Variants in TBC1D5 observed in about 807,000 individuals in gnomAD.
TBC1D5 encodes TBC1 domain family, member 5.
Under a neutral mutation model 100.3 loss-of-function variants are expected in TBC1D5, and 75 were observed. That is an observed-to-expected ratio of 0.75 (90% CI 0.62 to 0.91). TBC1D5 has a LOEUF of 0.91. Among genes scored for constraint, TBC1D5 ranks in the 40% least tolerant of loss-of-function variants. The pLI is 0.00. For missense variants in TBC1D5, 910 were observed against 942.4 expected (o/e 0.97, Z 0.45); for synonymous variants, 323 against 325.6 (o/e 0.99, Z 0.09).
chr3:17,232,749 C>T (rs1050840565), intron 17 of TBC1D5, among the ~76,000 whole-genome samples: 1 of 152,080 alleles, frequency 6.6e-6, no homozygotes, highest in African/African-American at 2.4e-5. Flanking sequence ...TTAATCACAA[C>T]CCATTCTTTT....
At chr3:17,498,854 T>TTTTACC (rs1418781883) in intron 3 of TBC1D5, among the ~76,000 whole-genome samples, 3 of 152,142 alleles carry the variant, frequency 2.0e-5, no homozygotes, top group Admixed American at 6.5e-5. Flanking sequence ...TAAGGAGAAT[T>TTTTACC]TTACCAAAAT....
intron 1 of TBC1D5, among the ~76,000 whole-genome samples, chr3:17,712,620 C>T (rs2074848984): frequency 6.6e-6 from 1 of 152,132 alleles, no homozygotes. Context: ...AGCTATGTAT[C>T]GGGAATACGA....
chr3:17,372,186 A>G (rs776664302), exon 13 of TBC1D5: 1 of 1,613,770 alleles, frequency 6.2e-7, no homozygotes, highest in East Asian at 2.2e-5. Context: ...AACAATAGCA[A>G]TTGTTGGCCC....
chr3:17,730,218 T>A (rs1202000105), intron 1 of TBC1D5, among the ~76,000 whole-genome samples: 2 of 152,158 alleles, frequency 1.3e-5, no homozygotes, highest in Non-Finnish European at 2.9e-5. Context: ...TTTTTTGTAT[T>A]TTAAGTTTGT....
chr3:17,332,782 A>C (rs2087054947), intron 13 of TBC1D5, among the ~76,000 whole-genome samples: 1 of 152,180 alleles, frequency 6.6e-6, no homozygotes, highest in African/African-American at 2.4e-5. Context: ...ATAAAAATTG[A>C]TAACTGCATA....
At chr3:17,704,277 T>C (rs2153893469) in intron 1 of TBC1D5, among the ~76,000 whole-genome samples, 1 of 146,490 alleles carries the variant, frequency 6.8e-6, no homozygotes, top group Non-Finnish European at 1.5e-5. Flanking sequence ...GCAGAGGAAT[T>C]TTTCTTAGTG....
chr3:17,636,280 C>A (rs764900933), intron 1 of TBC1D5, among the ~76,000 whole-genome samples: 1 of 152,022 alleles, frequency 6.6e-6, no homozygotes, highest in Non-Finnish European at 1.5e-5. Flanking sequence ...GTTAATAAAG[C>A]AGAAGATAAT....
chr3:17,508,488 G>T, exon 3 of TBC1D5: 1 of 1,613,362 alleles, frequency 6.2e-7, no homozygotes, highest in South Asian at 1.1e-5. Context: ...AGACTTGTTA[G>T]AGTAACTGGA....
intron 1 of TBC1D5, among the ~76,000 whole-genome samples, chr3:17,722,688 G>A (rs774207505): frequency 1.8e-4 from 28 of 152,298 alleles, no homozygotes; most frequent in Non-Finnish European, 3.1e-4. Flanking sequence ...CAAGGTAGTC[G>A]TTATCCCCAG....
At chr3:17,214,298 G>C (rs1425216823) in exon 18 of TBC1D5, 2 of 1,613,340 alleles carry the variant, frequency 1.2e-6, no homozygotes, top group South Asian at 2.2e-5. Flanking sequence ...TGAAGGTGGA[G>C]AGCCAGTGAA....
intron 15 of TBC1D5, among the ~76,000 whole-genome samples, chr3:17,265,639 CA>C (rs1359526978): frequency 1.3e-5 from 2 of 152,224 alleles, no homozygotes; most frequent in South Asian, 4.1e-4. Context: ...CAGGGTTATG[CA>C]AACATATGTT....
At chr3:17,689,518 C>CAAAAA (rs373476990) in intron 1 of TBC1D5, among the ~76,000 whole-genome samples, 8 of 54,328 alleles carry the variant, frequency 1.5e-4, no homozygotes, top group Non-Finnish European at 2.3e-4. Flanking sequence ...GACCCTGTCT[C>CAAAAA]AAAAAAAAAA....
At chr3:17,615,151 TTTG>T (rs1382002825) in intron 2 of TBC1D5, among the ~76,000 whole-genome samples, 1 of 152,208 alleles carries the variant, frequency 6.6e-6, no homozygotes, top group Admixed American at 6.5e-5. Context: ...TCATGTGGTT[TTTG>T]TTGTTAGTTC....
At chr3:17,438,726 A>T (rs1337527048) in intron 3 of TBC1D5, among the ~76,000 whole-genome samples, 1 of 152,200 alleles carries the variant, frequency 6.6e-6, no homozygotes, top group Non-Finnish European at 1.5e-5. Context: ...CCTTCACTCC[A>T]ATTTTATCTT....
chr3:17,591,244 AAAAAAAAAAAAAAAAAAAAAAAC>A (rs1424892609), intron 2 of TBC1D5, among the ~76,000 whole-genome samples: 15 of 115,560 alleles, frequency 1.3e-4, no homozygotes, highest in South Asian at 5.7e-4. Flanking sequence ...AAAAAAAAAA[AAAAAAAAAAAAAAAAAAAAAAAC>A]AAAAACCCCA....
chr3:17,591,239 A>G (rs901395660), intron 2 of TBC1D5, among the ~76,000 whole-genome samples: 3 of 101,500 alleles, frequency 3.0e-5, no homozygotes, highest in East Asian at 4.9e-4. Flanking sequence ...CTGTCAAAAA[A>G]AAAAAAAAAA....
chr3:17,627,354 G>C (rs561764205), intron 1 of TBC1D5, among the ~76,000 whole-genome samples: 1 of 152,216 alleles, frequency 6.6e-6, no homozygotes, highest in Non-Finnish European at 1.5e-5. Flanking sequence ...TAAAAGTAGA[G>C]CTATAGATTT....
At chr3:17,226,703 C>A (rs569383498) in intron 17 of TBC1D5, among the ~76,000 whole-genome samples, 1 of 152,280 alleles carries the variant, frequency 6.6e-6, no homozygotes, top group African/African-American at 2.4e-5. Flanking sequence ...TTAGCTCTCT[C>A]CCTGCCAGTG....
chr3:17,245,071 T>C (rs1181665610), intron 16 of TBC1D5, among the ~76,000 whole-genome samples: 8 of 148,792 alleles, frequency 5.4e-5, no homozygotes, highest in Admixed American at 5.4e-4. Context: ...TGTGCACCTG[T>C]AGTCCCAGCT....
Sources: gnomAD v4.1 joint callset for allele counts (sites outside exome capture counted in the v4.1 genomes callset) on GRCh38, gnomAD v4.1.1 for gene constraint, MANE v1.5 for transcripts, NCBI Gene and HGNC (gene_info 2026-07-23, HGNC 2026-07-21) for gene names.